The following CETN3 variants were observed in gnomAD, a reference collection of about 807,000 sequenced individuals.
CETN3 encodes centrin 3.
Under a neutral mutation model 20.1 loss-of-function variants are expected in CETN3, and 17 were observed. The observed-to-expected ratio is 0.85, with a 90% CI of 0.58 to 1.27. The LOEUF is 1.27. CETN3 is among the 50% of genes most tolerant of loss of function. The pLI is 0.00. For synonymous variants in CETN3, 52 were observed against 59.7 expected (o/e 0.87, Z 0.59); for missense variants, 169 against 191.2 (o/e 0.88, Z 0.69).
intron 3 of CETN3, among the ~76,000 whole-genome samples, chr5:90,402,891 C>T (rs1749335371): frequency 6.6e-6 from 1 of 152,184 alleles, no homozygotes; most frequent in African/African-American, 2.4e-5. Flanking sequence ...AAGTCTTCTT[C>T]CCAACCCCAG....
chr5:90,403,376 C>T (rs1561407771), intron 3 of CETN3, among the ~76,000 whole-genome samples: 1 of 152,200 alleles, frequency 6.6e-6, no homozygotes, highest in South Asian at 2.1e-4. Context: ...ACCTGGTACT[C>T]TCCATAGGTA....
chr5:90,407,255 T>C (rs1749475929), intron 2 of CETN3, among the ~76,000 whole-genome samples: 1 of 152,112 alleles, frequency 6.6e-6, no homozygotes, highest in South Asian at 2.1e-4. Flanking sequence ...GCACTAAAGT[T>C]GTTTGCACCA....
At chr5:90,405,469 C>A (rs1014286932) in intron 3 of CETN3, 8 of 512,260 alleles carry the variant, frequency 1.6e-5, no homozygotes, top group Non-Finnish European at 2.7e-5. Context: ...TTAGAATCTT[C>A]ACAACAAAAC....
At position 90,393,112 on chromosome 5, in the gene CETN3, C is replaced by G. The variant is rs1580158706; in HGVS notation, c.*952G>C. On this transcript the variant is annotated 3_prime_UTR_variant, in exon 5 of 5. Transcript: ENST00000283122. ...CGATCTCCATAACCACTTGTTTCCCCCTAACATACACTTCTACAAGGCAGA... is the reference window on the plus strand; with the variant it reads ...CGATCTCCATAACCACTTGTTTCCCGCTAACATACACTTCTACAAGGCAGA... The G allele has an allele frequency of 1.3e-5, 2 of 152,104 alleles. No individual in the cohort carries two copies. Among genetic ancestry groups the G allele is most frequent in the Non-Finnish European group, 2.9e-5 (2 of 68,024 alleles). The allele number at this position is 152,104 out of a possible 1,614,324, so 9.4% of individuals were successfully genotyped here. A position where few individuals can be genotyped will look rare whatever the true frequency, so the allele number is the denominator to read the frequency against.
chr5:90,396,529 T>C, intron 4 of CETN3: 1 of 1,533,832 alleles, frequency 6.5e-7, no homozygotes, highest in Non-Finnish European at 8.7e-7. Flanking sequence ...CTGAGGCATC[T>C]AGACCAAATA....
chr5:90,403,748 G>A (rs1749362062), intron 3 of CETN3, among the ~76,000 whole-genome samples: 1 of 149,436 alleles, frequency 6.7e-6, no homozygotes, highest in Non-Finnish European at 1.5e-5. Context: ...GCGGGCGCCT[G>A]TAGTCCCAGC....
chr5:90,403,676 C>T (rs1749359466), intron 3 of CETN3, among the ~76,000 whole-genome samples: 1 of 151,160 alleles, frequency 6.6e-6, no homozygotes, highest in South Asian at 2.1e-4. Flanking sequence ...TCGAGACCAT[C>T]CCGGCTAAAA....
intron 3 of CETN3, among the ~76,000 whole-genome samples, chr5:90,399,925 A>G (rs1749238988): frequency 6.6e-6 from 1 of 152,174 alleles, no homozygotes; most frequent in Non-Finnish European, 1.5e-5. Context: ...ACCTGTGGAG[A>G]GACATACCAA....
At position 90,409,703 on chromosome 5, in the gene CETN3, A is replaced by T; in HGVS notation, c.-42T>A. The T allele has an allele frequency of 6.2e-7, 1 of 1,613,678 alleles. No homozygotes were observed. Among genetic ancestry groups the T allele is most frequent in the Non-Finnish European group, 8.5e-7 (1 of 1,179,852 alleles). On this transcript the variant is annotated 5_prime_UTR_variant, in exon 1 of 5. Transcript: ENST00000283122. The stretch of plus-strand genomic sequence containing the variant: ...GACGTTCCTCTCAAGAACGATTTTA[A>T]CCCCCTACCCAAGGCAGCAAGACGC...
At chr5:90,399,767 C>T (rs1165076177) in intron 3 of CETN3, among the ~76,000 whole-genome samples, 1 of 152,014 alleles carries the variant, frequency 6.6e-6, no homozygotes, top group African/African-American at 2.4e-5. Flanking sequence ...TCATGAGCAA[C>T]TTGTCTTATT....
chr5:90,393,870 C>T lies in CETN3; in HGVS notation c.*194G>A, dbSNP rs1749074894. On this transcript the variant is annotated 3_prime_UTR_variant, in exon 5 of 5. Transcript: ENST00000283122. ...TAAAAGCTCTATTATAAATACAAAGCTAAACTATCTGAGTACTAACAACAC... is the reference window on the plus strand; with the variant it reads ...TAAAAGCTCTATTATAAATACAAAGTTAAACTATCTGAGTACTAACAACAC... The T allele has an allele frequency of 2.3e-6, 1 of 429,118 alleles. No homozygotes were observed. The highest frequency in any genetic ancestry group is 4.1e-6 in the Non-Finnish European group (1 of 243,840). 26.6% of individuals were successfully genotyped at this position (429,118 alleles called of 1,614,324 possible).
intron 3 of CETN3, among the ~76,000 whole-genome samples, chr5:90,403,253 C>T (rs1283713652): frequency 6.6e-6 from 1 of 151,884 alleles, no homozygotes; most frequent in African/African-American, 2.4e-5. Context: ...ATCATCTGTC[C>T]CAAAGTATAA....
intron 3 of CETN3, among the ~76,000 whole-genome samples, chr5:90,402,961 G>GTA (rs1749337413): frequency 6.6e-6 from 1 of 152,158 alleles, no homozygotes; most frequent in African/African-American, 2.4e-5. Context: ...CAATAATACA[G>GTA]TATTACAATC....
chr5:90,408,582 C>T (rs35702692), intron 1 of CETN3, among the ~76,000 whole-genome samples: 1,524 of 152,144 alleles, frequency 0.01, 13 homozygotes, highest in Non-Finnish European at 0.016. Context: ...ACTCTGGAAA[C>T]GCTTAAAGAA....
At chr5:90,394,896 G>A (rs1271186362) in intron 4 of CETN3, among the ~76,000 whole-genome samples, 2 of 152,002 alleles carry the variant, frequency 1.3e-5, no homozygotes, top group African/African-American at 2.4e-5. Flanking sequence ...TTGAAAACCC[G>A]ACATATGCGC....
intron 1 of CETN3, among the ~76,000 whole-genome samples, chr5:90,409,442 G>A (rs907116024): frequency 5.9e-5 from 9 of 152,176 alleles, no homozygotes; most frequent in Non-Finnish European, 1.2e-4. Context: ...AACCTCCTTA[G>A]CAGAAATGCA....
At position 90,409,720 on chromosome 5, in the gene CETN3, G is replaced by T; in HGVS notation, c.-59C>A. On this transcript the variant is annotated 5_prime_UTR_variant, in exon 1 of 5. It adds an upstream start codon to the 5' untranslated region. Transcript: ENST00000283122. The stretch of plus-strand genomic sequence containing the variant: ...CGATTTTAACCCCCTACCCAAGGCA[G>T]CAAGACGCCCACAGCCGTTCAACAG... The T allele has an allele frequency of 6.2e-7, 1 of 1,606,620 alleles. No homozygotes were observed.
intron 2 of CETN3, among the ~76,000 whole-genome samples, chr5:90,406,556 T>C (rs927272058): frequency 1.3e-5 from 2 of 151,046 alleles, no homozygotes; most frequent in African/African-American, 4.9e-5. Flanking sequence ...AGTTAGCAAA[T>C]GAAAAAAGTA....
intron 3 of CETN3, among the ~76,000 whole-genome samples, chr5:90,401,501 T>A (rs771662705): frequency 6.6e-6 from 1 of 152,204 alleles, no homozygotes; most frequent in Non-Finnish European, 1.5e-5. Context: ...ATGTACTTCA[T>A]CAAAATACTT....
Sources: allele counts gnomAD v4.1 joint callset (sites outside exome capture counted in the v4.1 genomes callset), GRCh38; gene constraint gnomAD v4.1.1; transcripts MANE v1.5; gene names NCBI Gene and HGNC (gene_info 2026-07-23, HGNC 2026-07-21).